The following ARHGAP26 variants were observed in gnomAD, a reference collection of about 807,000 sequenced individuals.
The protein encoded by ARHGAP26 is rho GTPase-activating protein 26.
A neutral mutation model predicts 104.8 loss-of-function variants in ARHGAP26; 38 were observed. The ratio of observed to expected loss-of-function variants is 0.36; its 90% CI spans 0.28 to 0.48. The LOEUF (loss-of-function observed/expected upper bound fraction) is 0.48, where lower values mean the gene tolerates loss of function less well. Among genes scored for constraint, ARHGAP26 ranks in the 20% least tolerant of loss-of-function variants. The pLI is 0.99. For missense variants in ARHGAP26, 704 were observed against 947.9 expected (o/e 0.74, Z 3.38); for synonymous variants, 341 against 340.0 (o/e 1.00, Z -0.03).
intron 16 of ARHGAP26, among the ~76,000 whole-genome samples, chr5:143,056,782 G>C (rs1297656609): frequency 6.6e-6 from 1 of 152,102 alleles, no homozygotes; most frequent in Non-Finnish European, 1.5e-5. Context: ...TCTCTCCCGG[G>C]TTCCTTTCAG....
At chr5:143,121,606 T>G (rs769365465) in intron 18 of ARHGAP26, among the ~76,000 whole-genome samples, 19 of 152,230 alleles carry the variant, frequency 1.2e-4, no homozygotes, top group Non-Finnish European at 2.4e-4. Context: ...TATTTTGACC[T>G]ATAGTTTGTC....
At chr5:143,077,344 C>T (rs935353239) in intron 17 of ARHGAP26, among the ~76,000 whole-genome samples, 3 of 152,110 alleles carry the variant, frequency 2.0e-5, no homozygotes, top group Admixed American at 6.5e-5. Flanking sequence ...AAAAAGAACC[C>T]AGGAACTGAA....
chr5:143,163,762 T>A (rs1331887596), intron 20 of ARHGAP26, among the ~76,000 whole-genome samples: 1 of 152,140 alleles, frequency 6.6e-6, no homozygotes, highest in Non-Finnish European at 1.5e-5. Flanking sequence ...GAGTTCTAGT[T>A]TTATGATCCA....
At chr5:142,867,288 G>GGTGT (rs70991782) in intron 1 of ARHGAP26, among the ~76,000 whole-genome samples, 5,385 of 143,638 alleles carry the variant, frequency 0.037, 126 homozygotes, top group African/African-American at 0.059. Flanking sequence ...ATTTGCACAG[G>GGTGT]GTGTGTGTGT....
intron 9 of ARHGAP26, among the ~76,000 whole-genome samples, chr5:142,909,116 C>G (rs990827218): frequency 1.3e-5 from 2 of 152,030 alleles, no homozygotes; most frequent in African/African-American, 2.4e-5. Context: ...CCAATTATCC[C>G]TTTGAGTTTC....
At chr5:142,804,560 C>T (rs1163325927) in intron 1 of ARHGAP26, among the ~76,000 whole-genome samples, 7 of 151,628 alleles carry the variant, frequency 4.6e-5, no homozygotes, top group Non-Finnish European at 8.8e-5. Flanking sequence ...GGTGTGATCT[C>T]GGCCCACTGC....
chr5:142,899,240 G>A (rs192834278), intron 6 of ARHGAP26, among the ~76,000 whole-genome samples: 7 of 152,274 alleles, frequency 4.6e-5, no homozygotes, highest in African/African-American at 1.7e-4. Context: ...ACCTTCAGAG[G>A]TATTAGGACT....
chr5:143,206,197 A>AT (rs1292725099), intron 20 of ARHGAP26, among the ~76,000 whole-genome samples: 1 of 152,192 alleles, frequency 6.6e-6, no homozygotes, highest in Non-Finnish European at 1.5e-5. Flanking sequence ...TTTTGCCCCC[A>AT]TGAAGGGCTT....
rs919482161 is a variant in ARHGAP26 at position 142,770,688 on chromosome 5, G to T, written c.-74G>T. 149 of 1,036,662 alleles carry T rather than the reference G, an allele frequency of 1.4e-4. 1 individual carries two copies. The highest frequency in any genetic ancestry group is 1.7e-4 in the Non-Finnish European group (148 of 851,266). 64.2% of individuals were successfully genotyped at this position (1,036,662 alleles called of 1,614,324 possible). On this transcript the variant is annotated 5_prime_UTR_variant, in exon 1 of 23. Coordinates refer to ENST00000645722, the MANE Select transcript of ARHGAP26 (RefSeq NM_001135608.3). Reference sequence around the variant, plus strand: ...CGGGGGAGCCGGCCGGGGTCCCGCCGCGTGAGTGCTCTGGGCGGCGGGCGG... The same window carrying T: ...CGGGGGAGCCGGCCGGGGTCCCGCCTCGTGAGTGCTCTGGGCGGCGGGCGG...
At chr5:143,012,576 T>TATATATATGTATATATATATATATATAA (rs1554195628) in intron 11 of ARHGAP26, among the ~76,000 whole-genome samples, 4 of 57,030 alleles carry the variant, frequency 7.0e-5, no homozygotes, top group African/African-American at 1.8e-4. Flanking sequence ...TATATATATA[T>TATATATATGTATATATATATATATATAA]TATGATCAGG....
At chr5:142,931,318 C>T (rs2152532410) in intron 10 of ARHGAP26, among the ~76,000 whole-genome samples, 1 of 152,262 alleles carries the variant, frequency 6.6e-6, no homozygotes, top group East Asian at 1.9e-4. Context: ...TTTTATGGCG[C>T]AGTCTCTTTT....
intron 20 of ARHGAP26, among the ~76,000 whole-genome samples, chr5:143,189,856 G>T (rs1394575886): frequency 6.6e-6 from 1 of 152,122 alleles, no homozygotes; most frequent in Non-Finnish European, 1.5e-5. Context: ...TGCTTGGCTT[G>T]TTACCTGCTG....
chr5:142,877,553 T>C (rs17208943), intron 3 of ARHGAP26, among the ~76,000 whole-genome samples: 4,528 of 152,250 alleles, frequency 0.03, 81 homozygotes, highest in South Asian at 0.057. Flanking sequence ...CTGCAATTGC[T>C]CATTTGACAG....
chr5:143,185,828 G>T (rs2151218020), intron 20 of ARHGAP26, among the ~76,000 whole-genome samples: 1 of 152,302 alleles, frequency 6.6e-6, no homozygotes, highest in Admixed American at 6.5e-5. Context: ...GCGAGCAGAG[G>T]AGTGAAGCTT....
rs1394266492 is a variant in ARHGAP26, at chr5:142,951,217, G to A, written c.1107+19092G>A. Among the ~76,000 whole-genome samples, 6 of 152,046 alleles carry A rather than the reference G, an allele frequency of 3.9e-5. No individual in the cohort carries two copies. The East Asian group carries it at 7.7e-4, about 20-fold the overall frequency. The stretch of plus-strand genomic sequence containing the variant: ...TGAGATTACAGGCATGTACCACCAC[G>A]CCCAGCAAATTTTTGTGTTTTCAGT... On this transcript the variant is annotated intron_variant, in intron 11 of 22. Coordinates refer to ENST00000645722, the MANE Select transcript of ARHGAP26 (RefSeq NM_001135608.3).
chr5:143,116,249 T>C (rs150857969), intron 17 of ARHGAP26, among the ~76,000 whole-genome samples: 1 of 152,354 alleles, frequency 6.6e-6, no homozygotes, highest in East Asian at 1.9e-4. Context: ...TAAAATGCTC[T>C]GTAAGCCTAA....
intron 22 of ARHGAP26, 121 bp from the exon 23 acceptor site, chr5:143,222,237 C>T (rs1319384035): frequency 1.9e-6 from 1 of 525,978 alleles, no homozygotes; most frequent in Non-Finnish European, 3.1e-6. Flanking sequence ...ATTGTCCAAG[C>T]TTCCTTCATA....
At position 143,041,220 on chromosome 5, in the gene ARHGAP26, G is replaced by A. The variant is rs535765553; in HGVS notation, c.1211-596G>A. On this transcript the variant is annotated intron_variant, in intron 13 of 22. Coordinates refer to ENST00000645722, the MANE Select transcript of ARHGAP26 (RefSeq NM_001135608.3). ...TTAGTTTTTGATTTTTTGTTTAGATGTTTAATTTAAAAGTAAACCCTTACT... is the reference window on the plus strand; with the variant it reads ...TTAGTTTTTGATTTTTTGTTTAGATATTTAATTTAAAAGTAAACCCTTACT... Among the ~76,000 whole-genome samples, 8 of 152,278 alleles carry A rather than the reference G, an allele frequency of 5.3e-5. No homozygotes were observed. In the South Asian group the frequency reaches 1.2e-3, roughly 24 times the overall value.
At chr5:143,081,822 C>T (rs186839832) in intron 17 of ARHGAP26, among the ~76,000 whole-genome samples, 3 of 152,126 alleles carry the variant, frequency 2.0e-5, no homozygotes, top group Admixed American at 2.0e-4. Context: ...GACCATCCTG[C>T]CGAACACAGT....
Sources: gnomAD v4.1 joint callset for allele counts (sites outside exome capture counted in the v4.1 genomes callset) on GRCh38, gnomAD v4.1.1 for gene constraint, MANE v1.5 for transcripts, NCBI Gene and HGNC (gene_info 2026-07-23, HGNC 2026-07-21) for gene names.